Variants in GSK3B observed in about 807,000 individuals in gnomAD.
GSK3B encodes the protein glycogen synthase kinase 3 beta.
Under a neutral mutation model 56.4 loss-of-function variants are expected in GSK3B, and 15 were observed. The observed-to-expected ratio is 0.27, with a 90% CI of 0.18 to 0.41. The LOEUF is 0.41. Among genes scored for constraint, GSK3B ranks in the 10% least tolerant of loss-of-function variants. GSK3B has a pLI of 1.00. For missense variants in GSK3B, 300 were observed against 513.4 expected, an observed-to-expected ratio of 0.58 and a Z score of 4.02; for synonymous variants, 181 against 188.9, an observed-to-expected ratio of 0.96 and a Z score of 0.34.
At chr3:119,832,803 A>T (rs543819623) in intron 10 of GSK3B, among the ~76,000 whole-genome samples, 5 of 152,366 alleles carry the variant, frequency 3.3e-5, no homozygotes, top group Admixed American at 1.3e-4. Context: ...GCAGTCCCAC[A>T]GTGAAACCAA....
intron 1 of GSK3B, among the ~76,000 whole-genome samples, chr3:120,035,686 G>A (rs918939912): frequency 2.0e-5 from 3 of 152,100 alleles, no homozygotes; most frequent in African/African-American, 4.8e-5. Flanking sequence ...CATATTATAC[G>A]TTTTATACTT....
chr3:119,882,922 T>C (rs990048882), intron 7 of GSK3B, among the ~76,000 whole-genome samples: 14 of 152,186 alleles, frequency 9.2e-5, no homozygotes, highest in African/African-American at 3.4e-4. Context: ...AATATAGTTA[T>C]CAGTGACTGT....
At chr3:119,905,363 G>A (rs921844392) in intron 7 of GSK3B, among the ~76,000 whole-genome samples, 2 of 151,912 alleles carry the variant, frequency 1.3e-5, no homozygotes, top group Middle Eastern at 3.2e-3. Flanking sequence ...CCAAATACAA[G>A]TATCTCCTAT....
chr3:119,977,475 C>T (rs1177292508), intron 2 of GSK3B, among the ~76,000 whole-genome samples: 1 of 152,164 alleles, frequency 6.6e-6, no homozygotes, highest in Admixed American at 6.5e-5. Flanking sequence ...TTGAGGACTC[C>T]CATTGCCATG....
rs527417336 is a variant in GSK3B, at chr3:119,930,845, T to C, written c.367-7362A>G. 5.8e-4 allele frequency among the ~76,000 whole-genome samples: 88 copies of C among 152,374 alleles called. No homozygotes were observed. In the Middle Eastern group the frequency reaches 0.01, roughly 18 times the overall value. On this transcript the variant is annotated intron_variant, in intron 3 of 10. Coordinates refer to ENST00000264235, the MANE Select transcript of GSK3B (RefSeq NM_001146156.2). ...TCTACTTTGTATAGCTCATGCTGCA[T>C]TGCAAGTAGTGATATCCCTTTATTG...
chr3:119,978,050 G>A (rs1017777954), intron 2 of GSK3B, among the ~76,000 whole-genome samples: 1 of 152,094 alleles, frequency 6.6e-6, no homozygotes, highest in African/African-American at 2.4e-5. Flanking sequence ...ACAGATGACA[G>A]AGCAGGAACA....
intron 3 of GSK3B, among the ~76,000 whole-genome samples, chr3:119,934,228 A>G (rs147749229): frequency 1.3e-5 from 2 of 152,358 alleles, no homozygotes; most frequent in East Asian, 1.9e-4. Flanking sequence ...CAAGAAAACT[A>G]AACACTACAT....
chr3:120,076,391 A>T (rs1327368516), intron 1 of GSK3B, among the ~76,000 whole-genome samples: 2 of 152,242 alleles, frequency 1.3e-5, no homozygotes, highest in Non-Finnish European at 2.9e-5. Context: ...CAGCAAAGGA[A>T]ACAACAAAAT....
intron 3 of GSK3B, among the ~76,000 whole-genome samples, chr3:119,931,662 A>T (rs567841268): frequency 1.3e-4 from 20 of 152,240 alleles, no homozygotes; most frequent in African/African-American, 4.1e-4. Flanking sequence ...ATAAAAATTT[A>T]AAAAACCTAA....
At chr3:119,851,054 A>G (rs768781487) in intron 9 of GSK3B, among the ~76,000 whole-genome samples, 11 of 152,228 alleles carry the variant, frequency 7.2e-5, no homozygotes, top group Non-Finnish European at 1.3e-4. Context: ...AGAAGTCATG[A>G]AAACTATTCA....
chr3:119,936,391 G>C (rs1378158051), intron 3 of GSK3B, among the ~76,000 whole-genome samples: 1 of 146,800 alleles, frequency 6.8e-6, no homozygotes, highest in African/African-American at 2.6e-5. Flanking sequence ...CTGTCACCCA[G>C]GCTGGAGTGC....
intron 1 of GSK3B, among the ~76,000 whole-genome samples, chr3:120,035,517 C>A (rs2058014711): frequency 6.6e-6 from 1 of 152,180 alleles, no homozygotes; most frequent in African/African-American, 2.4e-5. Flanking sequence ...TTGCCTTCTG[C>A]AAAAGGCAAC....
intron 1 of GSK3B, among the ~76,000 whole-genome samples, chr3:120,054,225 C>T (rs548192299): frequency 1.4e-3 from 202 of 148,624 alleles, no homozygotes; most frequent in Non-Finnish European, 2.2e-3. Flanking sequence ...ATCTCTCATT[C>T]CCTCCTCTCT....
intron 1 of GSK3B, among the ~76,000 whole-genome samples, chr3:120,031,596 G>T (rs1263797672): frequency 1.3e-5 from 2 of 152,124 alleles, no homozygotes; most frequent in East Asian, 3.9e-4. Context: ...AGGAGAAGGA[G>T]AAAACACTTA....
intron 10 of GSK3B, among the ~76,000 whole-genome samples, chr3:119,828,065 T>C (rs2055543387): frequency 6.6e-6 from 1 of 152,096 alleles, no homozygotes; most frequent in Non-Finnish European, 1.5e-5. Context: ...TATCAAAATA[T>C]CTCAGGTAAC....
chr3:119,961,379 G>A (rs2053777775), intron 2 of GSK3B, among the ~76,000 whole-genome samples: 2 of 152,126 alleles, frequency 1.3e-5, no homozygotes. Flanking sequence ...TGTAATCCCA[G>A]CACTTTGGGA....
At position 119,863,590 on chromosome 3, in the gene GSK3B, T is replaced by C. The variant is rs1336623593; in HGVS notation, c.925A>G (p.Thr309Ala). 1.2e-6 allele frequency: 2 copies of C among 1,610,758 alleles called. No individual in the cohort carries two copies. The highest frequency in any genetic ancestry group is 2.2e-5 in the South Asian group (2 of 90,806). ...HPWTKVFRPRTPPEAIALCSR... is the reference protein window; with the variant it reads ...HPWTKVFRPRAPPEAIALCSR... Reference sequence around the variant, plus strand: ...CACAGTGCAATTGCCTCCGGTGGAGTTCGGGGTCGGAAGACCTGCAGTACA... The same window carrying C: ...CACAGTGCAATTGCCTCCGGTGGAGCTCGGGGTCGGAAGACCTGCAGTACA... The change falls in exon 9 of 11, where the codon ACT becomes GCT. Residue 309 changes from threonine (T) to alanine (A), a missense_variant. Coordinates refer to ENST00000264235, the MANE Select transcript of GSK3B (RefSeq NM_001146156.2).
At chr3:120,068,558 A>G (rs2058299901) in intron 1 of GSK3B, among the ~76,000 whole-genome samples, 1 of 147,274 alleles carries the variant, frequency 6.8e-6, no homozygotes. Flanking sequence ...AAAATTAACC[A>G]GTATGTTGGC....
rs545627892 is a variant in GSK3B, at chr3:120,050,382, T to C, written c.88+42965A>G. ...AAGTTGCATTCTAATAAAACTTGAT[T>C]TACAAAGACAGACGGCTAGCCGTAT... On this transcript the variant is annotated intron_variant, in intron 1 of 10. Transcript: ENST00000264235. 1.6e-4 allele frequency among the ~76,000 whole-genome samples: 25 copies of C among 152,348 alleles called. No homozygotes were observed. In the South Asian group the frequency reaches 5.2e-3, roughly 32 times the overall value.
Sources: gnomAD v4.1 joint callset for allele counts (sites outside exome capture counted in the v4.1 genomes callset) on GRCh38, gnomAD v4.1.1 for gene constraint, MANE v1.5 for transcripts, NCBI Gene and HGNC (gene_info 2026-07-23, HGNC 2026-07-21) for gene names.